The following LYST variants were observed in gnomAD, a reference collection of about 807,000 sequenced individuals.
LYST encodes lysosomal-trafficking regulator.
Under a neutral mutation model 413.6 loss-of-function variants are expected in LYST, and 192 were observed. That is an observed-to-expected ratio of 0.46 (90% CI 0.41 to 0.52). LYST has a LOEUF of 0.52. LYST is among the 20% of genes least tolerant of loss of function. LYST has a pLI of 0.00. For missense variants in LYST, 3,815 were observed against 4,499.9 expected, an observed-to-expected ratio of 0.85 and a Z score of 4.35; for synonymous variants, 1,525 against 1,567.3, an observed-to-expected ratio of 0.97 and a Z score of 0.64.
intron 47 of LYST, among the ~76,000 whole-genome samples, chr1:235,687,497 T>C (rs1399437118): frequency 3.9e-5 from 6 of 152,214 alleles, no homozygotes; most frequent in African/African-American, 1.4e-4. Context: ...TTCTAATAGT[T>C]CTAAAGATTG....
At chr1:235,872,164 C>T (rs551966253) in intron 1 of LYST, among the ~76,000 whole-genome samples, 8 of 152,084 alleles carry the variant, frequency 5.3e-5, no homozygotes, top group Admixed American at 6.6e-5. Flanking sequence ...GGCATAGTGG[C>T]ACATGCATGT....
Position 235,780,848 on chromosome 1 carries a change from A to T in LYST, c.5214+17T>A. On this transcript the variant is annotated intron_variant, in intron 16 of 52. Transcript: ENST00000389793. ...TACATTTACTATAAAATTAAAATTT[A>T]TAAAATTAAAACTTACAATTAAGAG... 8.8e-7 allele frequency: 1 copy of T among 1,141,052 alleles called. No individual in the cohort carries two copies. Among genetic ancestry groups the T allele is most frequent in the Admixed American group, 2.3e-5 (1 of 43,476 alleles). The allele number at this position is 1,141,052 out of a possible 1,614,324, so 70.7% of individuals were successfully genotyped here. A position where few individuals can be genotyped will look rare whatever the true frequency, so the allele number is the denominator to read the frequency against.
intron 39 of LYST, among the ~76,000 whole-genome samples, chr1:235,722,155 G>T (rs533458759): frequency 6.6e-6 from 1 of 152,300 alleles, no homozygotes; most frequent in Admixed American, 6.5e-5. Context: ...GACATTCAAG[G>T]CATGGATGGA....
intron 26 of LYST, among the ~76,000 whole-genome samples, chr1:235,752,396 T>C (rs558063297): frequency 2.0e-4 from 31 of 152,236 alleles, no homozygotes; most frequent in African/African-American, 7.5e-4. Context: ...CAGAAATACA[T>C]AGTTTTACAG....
In LYST at chr1:235,731,081, A is replaced by G. The variant is rs144475533; in HGVS notation, c.8898T>C (p.Tyr2966=). 1,595 of 1,613,860 alleles carry G rather than the reference A, an allele frequency of 9.9e-4. 12 individuals are homozygous for G. In the African/African-American group the frequency reaches 0.019, roughly 19 times the overall value. ...NRERRRLQRC[Y]LTIPNKYLLR... is the part of the protein sequence containing the mutation. The stretch of plus-strand genomic sequence containing the variant: ...GGAGATACTTATTTGGAATAGTTAA[A>G]TAACATCTCTGTAAACGTCTCCTCT... The change falls in exon 35 of 53, where the codon TAT becomes TAC. Residue 2966 remains tyrosine, a synonymous_variant. Transcript: ENST00000389793.
upstream of LYST, among the ~76,000 whole-genome samples, chr1:235,868,765 G>A (rs573179125): frequency 6.6e-6 from 1 of 152,072 alleles, no homozygotes; most frequent in Non-Finnish European, 1.5e-5. Context: ...GCACAGTCTC[G>A]GCTCACTGCA....
intron 39 of LYST, among the ~76,000 whole-genome samples, chr1:235,722,233 A>G (rs1309533854): frequency 1.3e-5 from 2 of 152,208 alleles, no homozygotes; most frequent in East Asian, 1.9e-4. Flanking sequence ...GAGATTATCC[A>G]GGGCTTTATC....
chr1:235,774,998 T>A lies in LYST; in HGVS notation c.5549A>T (p.His1850Leu), dbSNP rs185099858. The change falls in exon 18 of 53, where the codon CAT becomes CTT. Residue 1850 changes from histidine to leucine, a missense_variant. Coordinates refer to ENST00000389793, the MANE Select transcript of LYST (RefSeq NM_000081.4). ...SLIKYNQQRV[H>L]ELENCNGLSM... ...AAGTCCATTACAATTTTCTAATTCATGTACTCTTTGTTGGTTGTATTTAAT... is the reference window on the plus strand; with the variant it reads ...AAGTCCATTACAATTTTCTAATTCAAGTACTCTTTGTTGGTTGTATTTAAT... 3.1e-6 allele frequency: 5 copies of A among 1,609,774 alleles called. No individual in the cohort carries two copies. The East Asian group carries it at 1.1e-4, about 36-fold the overall frequency.
In LYST at chr1:235,759,305, G is replaced by A. The variant is rs1039368735; in HGVS notation, c.6548C>T (p.Ala2183Val). ...TGGGACATCACTGACAGAGACCTGG[G>A]CTGAGAGGACAGCTTCCATTTCACA... is the stretch of plus-strand genomic sequence containing the variant. ...TVCEMEAVLSAQVSVSDVPKG... is the reference protein window; with the variant it reads ...TVCEMEAVLSVQVSVSDVPKG... The change falls in exon 23 of 53, where the codon GCC (alanine) becomes GTC (valine). Residue 2183 changes from alanine (A) to valine (V), a missense_variant. Ala to Val is a moderately conservative substitution (Grantham distance 64, BLOSUM62 0). Coordinates refer to ENST00000389793, the MANE Select transcript of LYST (RefSeq NM_000081.4). The A allele has an allele frequency of 6.2e-7, 1 of 1,614,144 alleles. No homozygotes were observed. Among genetic ancestry groups the A allele is most frequent in the Non-Finnish European group, 8.5e-7 (1 of 1,179,992 alleles).
At chr1:235,782,677 T>C (rs1237008333) in intron 14 of LYST, among the ~76,000 whole-genome samples, 1 of 152,194 alleles carries the variant, frequency 6.6e-6, no homozygotes, top group African/African-American at 2.4e-5. Flanking sequence ...GACTTCTGTA[T>C]ATGCACCTTC....
At chr1:235,677,059 C>T (rs1245893646) in intron 50 of LYST, 32 bp downstream of exon 50, 1 of 1,531,942 alleles carries the variant, frequency 6.5e-7, no homozygotes, top group African/African-American at 1.4e-5. Context: ...GAGCACCAGC[C>T]AGCCCTGTGC....
chr1:235,728,964 C>T (rs1257616419), intron 37 of LYST, among the ~76,000 whole-genome samples: 9 of 152,134 alleles, frequency 5.9e-5, no homozygotes, highest in Non-Finnish European at 2.9e-5. Flanking sequence ...CAAGTCTGGA[C>T]TGAGGCGTGA....
chr1:235,876,059 C>G (rs1240297432), intron 1 of LYST, among the ~76,000 whole-genome samples: 3 of 151,230 alleles, frequency 2.0e-5, no homozygotes, highest in African/African-American at 4.9e-5. Flanking sequence ...CCCATCTCTA[C>G]TAAAAATACA....
At chr1:235,730,702 C>T (rs973657645) in intron 36 of LYST, 145 bp downstream of exon 36, 1 of 628,110 alleles carries the variant, frequency 1.6e-6, no homozygotes, top group Non-Finnish European at 2.8e-6. Context: ...TGGATTTTGG[C>T]CATATAACCT....
chr1:235,793,638 T>G (rs954098156), intron 10 of LYST, 26 bp from the exon 11 acceptor site: 1 of 1,187,468 alleles, frequency 8.4e-7, no homozygotes, highest in African/African-American at 1.5e-5. Flanking sequence ...AGGGAAAAAA[T>G]TAAAGCTAGT....
chr1:235,720,604 A>G, intron 40 of LYST, 57 bp downstream of exon 40: 1 of 1,569,194 alleles, frequency 6.4e-7, no homozygotes, highest in Non-Finnish European at 8.7e-7. Context: ...AAACTTTAAT[A>G]AAGAAATACA....
intron 40 of LYST, among the ~76,000 whole-genome samples, chr1:235,719,554 A>G (rs1252150824): frequency 6.6e-6 from 1 of 151,636 alleles, no homozygotes; most frequent in Non-Finnish European, 1.5e-5. Flanking sequence ...ACTGAGCACC[A>G]TTACAGTGGA....
Position 235,780,982 on chromosome 1 carries a change from A to G in LYST, c.5097T>C (p.Cys1699=). Residue 1699 remains cysteine (C), a synonymous_variant, in exon 16 of 53, where the codon TGT becomes TGC. Transcript: ENST00000389793. ...CGPNHTSVMP[C]KYGKPVNDYS... ...AGTCATTGACTGGCTTGCCATACTT[A>G]CATGGCATTACAGATGTATGGTTGG... 1 of 1,608,292 alleles carries G rather than the reference A, an allele frequency of 6.2e-7. No homozygotes were observed. Among genetic ancestry groups the G allele is most frequent in the Non-Finnish European group, 8.5e-7 (1 of 1,175,508 alleles).
intron 31 of LYST, chr1:235,737,916 A>AATGGTGGCGT: frequency 8.6e-7 from 1 of 1,163,406 alleles, no homozygotes; most frequent in Non-Finnish European, 1.1e-6. Context: ...GCTGCCGACG[A>AATGGTGGCGT]GTCTGGATCT....
Sources: allele counts gnomAD v4.1 joint callset (sites outside exome capture counted in the v4.1 genomes callset), GRCh38; gene constraint gnomAD v4.1.1; transcripts MANE v1.5; gene names NCBI Gene and HGNC (gene_info 2026-07-23, HGNC 2026-07-21).